The following KDM2B variants were observed in gnomAD, a reference collection of about 807,000 sequenced individuals.
The protein encoded by KDM2B is lysine-specific demethylase 2B.
KDM2B carries 26 observed loss-of-function variants against 150.0 expected under a neutral mutation model. The ratio of observed to expected loss-of-function variants is 0.17; its 90% CI spans 0.13 to 0.24. KDM2B has a LOEUF of 0.24. Among genes scored for constraint, KDM2B ranks in the 10% least tolerant of loss-of-function variants. The pLI, the probability that KDM2B is intolerant of heterozygous loss-of-function variation, is 1.00. For synonymous variants in KDM2B, 734 were observed against 729.5 expected, an observed-to-expected ratio of 1.01 and a Z score of -0.10; for missense variants, 1,265 against 1,816.9, an observed-to-expected ratio of 0.70 and a Z score of 5.52.
At chr12:121,496,493 C>CTTTT (rs782450832) in intron 11 of KDM2B, among the ~76,000 whole-genome samples, 19 of 121,462 alleles carry the variant, frequency 1.6e-4, no homozygotes, top group African/African-American at 4.8e-4. Context: ...GCTCATTGTC[C>CTTTT]TTTTTTTTTT....
intron 4 of KDM2B, among the ~76,000 whole-genome samples, chr12:121,572,528 A>T (rs1330498300): frequency 1.3e-5 from 2 of 152,198 alleles, no homozygotes; most frequent in Non-Finnish European, 2.9e-5. Flanking sequence ...TCTCTGTTCA[A>T]ATGCCCCCCT....
chr12:121,494,397 G>T (rs1188532241), intron 12 of KDM2B, 182 bp downstream of exon 12: 1 of 557,330 alleles, frequency 1.8e-6, no homozygotes, highest in Non-Finnish European at 3.2e-6. Flanking sequence ...CCCACAGCTA[G>T]GTAAAGCAAC....
At chr12:121,499,982 T>C (rs995234366) in intron 11 of KDM2B, among the ~76,000 whole-genome samples, 1 of 151,644 alleles carries the variant, frequency 6.6e-6, no homozygotes, top group East Asian at 1.9e-4. Context: ...TAATTAAAAA[T>C]AAAAAGAATT....
chr12:121,502,742 C>A (rs1205727699), intron 11 of KDM2B, among the ~76,000 whole-genome samples: 1 of 127,106 alleles, frequency 7.9e-6, no homozygotes, highest in Admixed American at 1.0e-4. Context: ...GGCAGCAGAG[C>A]GAGACCCCCA....
intron 4 of KDM2B, among the ~76,000 whole-genome samples, chr12:121,569,826 TTTTCTTTCTTTC>T (rs58941915): frequency 6.7e-6 from 1 of 149,520 alleles, no homozygotes; most frequent in Non-Finnish European, 1.5e-5. Flanking sequence ...TTCTTTTTTC[TTTTCTTTCTTTC>T]TTTCTTTCTT....
intron 21 of KDM2B, chr12:121,440,531 T>C (rs1203681246): frequency 4.6e-6 from 2 of 435,372 alleles, no homozygotes; most frequent in Non-Finnish European, 4.1e-6. Flanking sequence ...CAGAGCCCCA[T>C]GAGCGAGTCA....
At position 121,513,808 on chromosome 12, in the gene KDM2B, C is replaced by T. The variant is rs1885798813; in HGVS notation, c.1048-406G>A. ...CTCCTTGTTTCTGAAAATTCCTGCACAGATTCTGCTGTTCCTCCCTCCTGC... is the reference window on the plus strand; with the variant it reads ...CTCCTTGTTTCTGAAAATTCCTGCATAGATTCTGCTGTTCCTCCCTCCTGC... On this transcript the variant is annotated intron_variant, in intron 9 of 22. Coordinates refer to ENST00000377071, the MANE Select transcript of KDM2B (RefSeq NM_032590.5). This position sits in a 1 kb window ranked among gnomAD's most constrained non-coding sequence, Gnocchi z 5.0. 2.0e-5 allele frequency among the ~76,000 whole-genome samples: 3 copies of T among 152,186 alleles called. No homozygotes were observed. The highest frequency in any genetic ancestry group is 2.0e-4 in the Admixed American group (3 of 15,276).
At chr12:121,553,239 AAAAG>A (rs1432430682) in intron 4 of KDM2B, among the ~76,000 whole-genome samples, 6 of 151,524 alleles carry the variant, frequency 4.0e-5, no homozygotes, top group Non-Finnish European at 8.8e-5. Flanking sequence ...TCAAAAAAAA[AAAAG>A]AAAGAAAGAA....
chr12:121,581,987 CTT>C (rs1233317145), upstream of KDM2B, among the ~76,000 whole-genome samples: 2 of 152,186 alleles, frequency 1.3e-5, no homozygotes, highest in African/African-American at 4.8e-5. Context: ...CTGTAAAAAT[CTT>C]TTAAGCAGGG....
intron 6 of KDM2B, among the ~76,000 whole-genome samples, chr12:121,547,828 A>G (rs1889188173): frequency 6.6e-6 from 1 of 151,838 alleles, no homozygotes; most frequent in Non-Finnish European, 1.5e-5. Flanking sequence ...TTTTTCGTAG[A>G]GACAGAGTTT....
Position 121,513,485 on chromosome 12 carries a change from C to T in KDM2B, c.1048-83G>A. ...AGGGAGAGAAGTGCGGGGCAGGCTCCCTGCAGGTGAGGGTCACTGTCATCA... is the reference window on the plus strand; with the variant it reads ...AGGGAGAGAAGTGCGGGGCAGGCTCTCTGCAGGTGAGGGTCACTGTCATCA... On this transcript the variant is annotated intron_variant, in intron 9 of 22. Coordinates refer to ENST00000377071, the MANE Select transcript of KDM2B (RefSeq NM_032590.5). The surrounding 1 kb of genome is among the most constrained non-coding windows in gnomAD (Gnocchi z 5.0). 2 of 1,493,312 alleles carry T rather than the reference C, an allele frequency of 1.3e-6. No homozygotes were observed. Among genetic ancestry groups the T allele is most frequent in the Non-Finnish European group, 1.8e-6 (2 of 1,082,428 alleles). 92.5% of individuals were successfully genotyped at this position (1,493,312 alleles called of 1,614,324 possible). A position where few individuals can be genotyped will look rare whatever the true frequency, so the allele number is the denominator to read the frequency against.
chr12:121,546,754 A>G (rs1732463237), intron 6 of KDM2B, among the ~76,000 whole-genome samples: 2 of 141,714 alleles, frequency 1.4e-5, no homozygotes, highest in Admixed American at 7.2e-5. Context: ...CACCCAGGCT[A>G]GAGTGCAGTG....
At chr12:121,449,667 A>G (rs1200375156) in intron 13 of KDM2B, among the ~76,000 whole-genome samples, 1 of 152,216 alleles carries the variant, frequency 6.6e-6, no homozygotes, top group African/African-American at 2.4e-5. Flanking sequence ...GTTTTAGGTG[A>G]CACCGTTCTA....
intron 11 of KDM2B, among the ~76,000 whole-genome samples, chr12:121,496,027 C>T (rs1436827933): frequency 6.6e-6 from 1 of 152,118 alleles, no homozygotes; most frequent in Admixed American, 6.6e-5. Context: ...GACTTTAGAA[C>T]ATCATCCAGG....
rs1555317949 is a variant in KDM2B at position 121,580,952 on chromosome 12, G to T, written c.-41C>A. 6.8e-6 allele frequency: 11 copies of T among 1,608,386 alleles called. No homozygotes were observed. Among genetic ancestry groups the T allele is most frequent in the Non-Finnish European group, 9.3e-6 (11 of 1,177,882 alleles). On this transcript the variant is annotated 5_prime_UTR_variant, in exon 1 of 23. Transcript: ENST00000377071. ...GGGGGGCTCAGAAGGAAATTAGCTC[G>T]GCTTCCATACCTATAAGGACTGCCT...
chr12:121,563,761 AT>A (rs1555314330), intron 4 of KDM2B, among the ~76,000 whole-genome samples: 1 of 151,912 alleles, frequency 6.6e-6, no homozygotes, highest in African/African-American at 2.4e-5. Flanking sequence ...TCTACTAAAA[AT>A]ACAAAAAGTA....
intron 1 of KDM2B, chr12:121,579,593 C>A: frequency 7.7e-7 from 1 of 1,300,716 alleles, no homozygotes. Flanking sequence ...AAGCTCGGAT[C>A]GGAGACCCCA....
chr12:121,476,363 G>A (rs183714857), intron 12 of KDM2B, among the ~76,000 whole-genome samples: 159 of 152,174 alleles, frequency 1.0e-3, no homozygotes, highest in Non-Finnish European at 2.4e-4. Flanking sequence ...GGCTGAAGTG[G>A]GAGTACTGTT....
At chr12:121,470,626 G>C (rs969848612) in intron 12 of KDM2B, 1 of 152,278 alleles carries the variant, frequency 6.6e-6, no homozygotes, top group Non-Finnish European at 1.5e-5. Context: ...AGACTGAGGC[G>C]CATTGCCGCG....
Sources: allele counts gnomAD v4.1 joint callset (sites outside exome capture counted in the v4.1 genomes callset), GRCh38; gene constraint gnomAD v4.1.1; non-coding constraint Gnocchi (gnomAD v3.1); transcripts MANE v1.5; gene names NCBI Gene and HGNC (gene_info 2026-07-23, HGNC 2026-07-21).